Variants in EGFR observed in about 807,000 individuals in gnomAD.
EGFR encodes the protein epidermal growth factor receptor.
EGFR carries 58 observed loss-of-function variants against 143.0 expected under a neutral mutation model. The observed-to-expected ratio is 0.41, with a 90% CI of 0.33 to 0.50. The LOEUF is 0.50. Among genes scored for constraint, EGFR ranks in the 20% least tolerant of loss-of-function variants. EGFR has a pLI of 0.39. For synonymous variants in EGFR, 613 were observed against 594.4 expected (o/e 1.03, Z -0.45); for missense variants, 1,307 against 1,579.0 (o/e 0.83, Z 2.92).
chr7:55,127,043 A>T lies in EGFR; in HGVS notation c.89-15243A>T, dbSNP rs55677913. ...TGAAAACCATTCCCCAGTGAAAACT[A>T]ATGTACCATCTAGTTAATAAGAGCT... On this transcript the variant is annotated intron_variant, in intron 1 of 27. Coordinates refer to ENST00000275493, the MANE Select transcript of EGFR (RefSeq NM_005228.5). Among the ~76,000 whole-genome samples the T allele has an allele frequency of 6.3e-3, 961 of 152,348 alleles. 9 individuals carry two copies. The highest frequency in any genetic ancestry group is 0.022 in the African/African-American group (908 of 41,572).
At chr7:55,091,495 C>G (rs1480556956) in intron 1 of EGFR, among the ~76,000 whole-genome samples, 2 of 152,116 alleles carry the variant, frequency 1.3e-5, no homozygotes, top group Non-Finnish European at 2.9e-5. Flanking sequence ...GGGGGTGGGG[C>G]CTGCAGTTAT....
At chr7:55,145,845 T>C (rs1037735326) in intron 3 of EGFR, among the ~76,000 whole-genome samples, 7 of 152,324 alleles carry the variant, frequency 4.6e-5, no homozygotes, top group South Asian at 2.1e-4. Flanking sequence ...TCCCCAAGCC[T>C]GTCAGCTCCC....
intron 20 of EGFR, among the ~76,000 whole-genome samples, chr7:55,184,073 G>A (rs1158246669): frequency 2.6e-5 from 4 of 152,248 alleles, no homozygotes; most frequent in Non-Finnish European, 2.9e-5. Context: ...GGATTCTGGC[G>A]CATTCGCCGT....
At chr7:55,121,266 T>A (rs2128913919) in intron 1 of EGFR, among the ~76,000 whole-genome samples, 2 of 152,334 alleles carry the variant, frequency 1.3e-5, no homozygotes, top group Admixed American at 1.3e-4. Flanking sequence ...AAGGTAAACA[T>A]TTTTTGGCAG....
intron 1 of EGFR, among the ~76,000 whole-genome samples, chr7:55,064,599 CA>C (rs1369094331): frequency 1.3e-5 from 2 of 152,282 alleles, no homozygotes; most frequent in East Asian, 3.9e-4. Flanking sequence ...AGTCAGTGCG[CA>C]TTTACTCTTA....
At chr7:55,062,657 C>G (rs1789256520) in intron 1 of EGFR, among the ~76,000 whole-genome samples, 1 of 152,130 alleles carries the variant, frequency 6.6e-6, no homozygotes, top group African/African-American at 2.4e-5. Flanking sequence ...TATTACTGCA[C>G]GTTCCCATCG....
At chr7:55,102,013 T>G (rs993152344) in intron 1 of EGFR, among the ~76,000 whole-genome samples, 1 of 152,172 alleles carries the variant, frequency 6.6e-6, no homozygotes, top group African/African-American at 2.4e-5. Context: ...TTCTCTTGAC[T>G]AAAACCCTCA....
At chr7:55,184,127 G>T (rs562155145) in intron 20 of EGFR, among the ~76,000 whole-genome samples, 1 of 152,314 alleles carries the variant, frequency 6.6e-6, no homozygotes, top group East Asian at 1.9e-4. Context: ...CTCGTCTCCC[G>T]ACTGTGGAGT....
At chr7:55,116,015 T>C (rs1303308760) in intron 1 of EGFR, among the ~76,000 whole-genome samples, 1 of 152,212 alleles carries the variant, frequency 6.6e-6, no homozygotes, top group Non-Finnish European at 1.5e-5. Context: ...TTTGTTATCA[T>C]CATACTTGAT....
intron 4 of EGFR, among the ~76,000 whole-genome samples, chr7:55,149,853 A>G (rs1228452703): frequency 6.6e-6 from 1 of 152,218 alleles, no homozygotes; most frequent in Non-Finnish European, 1.5e-5. Context: ...GTTAGATAGA[A>G]GCATATTTAA....
At chr7:55,124,835 T>G (rs1333972176) in intron 1 of EGFR, among the ~76,000 whole-genome samples, 2 of 152,246 alleles carry the variant, frequency 1.3e-5, no homozygotes, top group African/African-American at 4.8e-5. Flanking sequence ...GATTCTGACC[T>G]GGAGATGTCA....
At chr7:55,078,294 C>T (rs989213259) in intron 1 of EGFR, among the ~76,000 whole-genome samples, 1 of 151,978 alleles carries the variant, frequency 6.6e-6, no homozygotes, top group African/African-American at 2.4e-5. Flanking sequence ...TCCTGGGACA[C>T]CCCCCACCCC....
intron 23 of EGFR, among the ~76,000 whole-genome samples, chr7:55,199,941 C>G (rs1268742839): frequency 6.6e-6 from 1 of 152,198 alleles, no homozygotes; most frequent in East Asian, 1.9e-4. Context: ...TGAAGGAATG[C>G]TAAGGGTGGA....
intron 1 of EGFR, among the ~76,000 whole-genome samples, chr7:55,036,108 G>C (rs929713797): frequency 6.6e-6 from 1 of 152,052 alleles, no homozygotes; most frequent in Admixed American, 6.6e-5. Flanking sequence ...GGCATGAGGA[G>C]AAATGGGATG....
chr7:55,175,417 C>T (rs1416947945), intron 19 of EGFR, among the ~76,000 whole-genome samples: 1 of 152,120 alleles, frequency 6.6e-6, no homozygotes, highest in Non-Finnish European at 1.5e-5. Flanking sequence ...TGGAAAATTC[C>T]ACAAGATTAT....
intron 1 of EGFR, among the ~76,000 whole-genome samples, chr7:55,095,630 TACAC>T (rs988993558): frequency 6.6e-6 from 1 of 151,234 alleles, no homozygotes; most frequent in Non-Finnish European, 1.5e-5. Flanking sequence ...TACAAACACA[TACAC>T]ACAACACACA....
chr7:55,122,733 AGTT>A (rs1476961533), intron 1 of EGFR, among the ~76,000 whole-genome samples: 1 of 152,148 alleles, frequency 6.6e-6, no homozygotes, highest in Non-Finnish European at 1.5e-5. Context: ...CACTTTCCTT[AGTT>A]GTTCAGTCTG....
chr7:55,034,295 C>A (rs11978110), intron 1 of EGFR, among the ~76,000 whole-genome samples: 140 of 152,006 alleles, frequency 9.2e-4, no homozygotes, highest in Middle Eastern at 3.4e-3. Context: ...GTGCAGTGGC[C>A]CGACCTCGGC....
chr7:55,190,225 G>A (rs183183198), intron 20 of EGFR, among the ~76,000 whole-genome samples: 2 of 152,156 alleles, frequency 1.3e-5, no homozygotes, highest in East Asian at 3.9e-4. Flanking sequence ...TCTTAAGTAG[G>A]CAGGGAAGCA....
Sources: gnomAD v4.1 joint callset for allele counts (sites outside exome capture counted in the v4.1 genomes callset) on GRCh38, gnomAD v4.1.1 for gene constraint, MANE v1.5 for transcripts, NCBI Gene and HGNC (gene_info 2026-07-23, HGNC 2026-07-21) for gene names.